The following LRP1B variants were observed in gnomAD, a reference collection of about 807,000 sequenced individuals.
The protein encoded by LRP1B is LDL receptor related protein 1B, also known as low-density lipoprotein receptor-related protein 1B.
LRP1B carries 217 observed loss-of-function variants against 556.6 expected under a neutral mutation model. That is an observed-to-expected ratio of 0.39 (90% CI 0.35 to 0.44). LRP1B has a LOEUF of 0.44. LRP1B is among the 20% of genes least tolerant of loss of function. The probability of loss-of-function intolerance (pLI) is 1.00; values close to 1 mark genes in which losing one functional copy is unlikely to be tolerated. For synonymous variants in LRP1B, 2,047 were observed against 1,865.8 expected, an observed-to-expected ratio of 1.10 and a Z score of -2.50; for missense variants, 5,053 against 5,620.8, an observed-to-expected ratio of 0.90 and a Z score of 3.23.
intron 2 of LRP1B, among the ~76,000 whole-genome samples, chr2:141,686,361 A>T (rs1328709910): frequency 6.6e-6 from 1 of 152,024 alleles, no homozygotes; most frequent in Non-Finnish European, 1.5e-5. Context: ...GTCTAATGTT[A>T]ATAATTATGA....
At chr2:140,999,435 A>G (rs895030088) in intron 15 of LRP1B, among the ~76,000 whole-genome samples, 3 of 152,066 alleles carry the variant, frequency 2.0e-5, no homozygotes, top group Non-Finnish European at 2.9e-5. Flanking sequence ...TCAGAAAAAA[A>G]TTTCTCTACT....
intron 3 of LRP1B, among the ~76,000 whole-genome samples, chr2:141,384,517 G>T (rs1298018017): frequency 6.6e-6 from 1 of 152,090 alleles, no homozygotes; most frequent in African/African-American, 2.4e-5. Flanking sequence ...GTGGGAAAAA[G>T]AATTTCTGGG....
intron 37 of LRP1B, among the ~76,000 whole-genome samples, chr2:140,715,173 G>C (rs1553517942): frequency 6.6e-6 from 1 of 152,052 alleles, no homozygotes; most frequent in Non-Finnish European, 1.5e-5. Context: ...GTCTGATTAA[G>C]AAGGATCATA....
chr2:141,061,012 G>T (rs749814483), intron 8 of LRP1B, among the ~76,000 whole-genome samples: 3 of 151,678 alleles, frequency 2.0e-5, no homozygotes, highest in Non-Finnish European at 4.4e-5. Context: ...TCATAACAAG[G>T]TTTAATTTTT....
chr2:141,001,137 G>A (rs1697409496), intron 15 of LRP1B, among the ~76,000 whole-genome samples: 1 of 152,014 alleles, frequency 6.6e-6, no homozygotes, highest in South Asian at 2.1e-4. Context: ...TTCCTACAAT[G>A]ATAAAGAACA....
intron 1 of LRP1B, among the ~76,000 whole-genome samples, chr2:141,870,537 A>G (rs1040175561): frequency 6.6e-6 from 1 of 152,004 alleles, no homozygotes; most frequent in African/African-American, 2.4e-5. Flanking sequence ...CTTTTGCTCC[A>G]TCTTTAAGTC....
At chr2:140,857,516 A>G (rs1692655442) in intron 27 of LRP1B, among the ~76,000 whole-genome samples, 1 of 152,164 alleles carries the variant, frequency 6.6e-6, no homozygotes. Context: ...TTCACATTGA[A>G]GAACTTGAGT....
intron 3 of LRP1B, among the ~76,000 whole-genome samples, chr2:141,407,236 CA>C (rs1690676578): frequency 6.6e-6 from 1 of 151,986 alleles, no homozygotes; most frequent in Non-Finnish European, 1.5e-5. Context: ...ATTACTTTAC[CA>C]GTTTCATAAT....
chr2:141,671,333 G>A (rs1690660245), intron 2 of LRP1B, among the ~76,000 whole-genome samples: 6 of 152,162 alleles, frequency 3.9e-5, no homozygotes, highest in Admixed American at 3.9e-4. Flanking sequence ...ATGTGCGAAT[G>A]TTTAATTGAG....
intron 48 of LRP1B, 29 bp from the exon 49 acceptor site, chr2:140,526,022 A>G (rs751802433): frequency 1.2e-6 from 2 of 1,608,662 alleles, no homozygotes; most frequent in Non-Finnish European, 1.7e-6. Flanking sequence ...AAAATGAAAA[A>G]GTACCTCATT....
intron 18 of LRP1B, among the ~76,000 whole-genome samples, chr2:140,975,929 T>C (rs1696582683): frequency 6.6e-6 from 1 of 152,120 alleles, no homozygotes; most frequent in Admixed American, 6.6e-5. Flanking sequence ...TATTTACTTA[T>C]GTATTATTTT....
intron 2 of LRP1B, among the ~76,000 whole-genome samples, chr2:141,686,228 GCTCAAAAA>G (rs1277321123): frequency 6.6e-6 from 1 of 151,878 alleles, no homozygotes; most frequent in Non-Finnish European, 1.5e-5. Flanking sequence ...GGTTCATAAA[GCTCAAAAA>G]CTCATTATAA....
At chr2:141,184,412 G>T (rs1681146876) in intron 7 of LRP1B, among the ~76,000 whole-genome samples, 1 of 151,778 alleles carries the variant, frequency 6.6e-6, no homozygotes, top group Non-Finnish European at 1.5e-5. Context: ...TAGATCATAA[G>T]AACCTCATGT....
At chr2:140,950,108 A>G (rs1335255237) in intron 20 of LRP1B, 127 bp downstream of exon 20, 2 of 605,252 alleles carry the variant, frequency 3.3e-6, no homozygotes, top group Non-Finnish European at 5.3e-6. Context: ...GATTTTACAC[A>G]GTTCCACATG....
chr2:141,805,301 A>C (rs1220003905), intron 2 of LRP1B: 1 of 152,156 alleles, frequency 6.6e-6, no homozygotes, highest in East Asian at 1.9e-4. Flanking sequence ...GCCTGTTGTC[A>C]TTCTGAATCT....
At chr2:141,011,542 G>A (rs1558799204) in intron 14 of LRP1B, among the ~76,000 whole-genome samples, 1 of 151,878 alleles carries the variant, frequency 6.6e-6, no homozygotes, top group East Asian at 1.9e-4. Flanking sequence ...TTAAGTACTA[G>A]GTAATTCTTA....
chr2:140,878,424 G>A (rs921047660), intron 25 of LRP1B, among the ~76,000 whole-genome samples: 1 of 152,026 alleles, frequency 6.6e-6, no homozygotes, highest in African/African-American at 2.4e-5. Flanking sequence ...AATACAATAT[G>A]TTGCCAGTTA....
intron 3 of LRP1B, among the ~76,000 whole-genome samples, chr2:141,336,735 C>G (rs1188391820): frequency 6.6e-6 from 1 of 151,778 alleles, no homozygotes; most frequent in African/African-American, 2.4e-5. Context: ...ATCCTAATCA[C>G]TATCAACCCC....
intron 35 of LRP1B, among the ~76,000 whole-genome samples, chr2:140,729,141 C>T (rs1687692344): frequency 6.6e-6 from 1 of 151,940 alleles, no homozygotes. Context: ...AGAGAAGAAT[C>T]TAATTTTAAT....
Sources: allele counts gnomAD v4.1 joint callset (sites outside exome capture counted in the v4.1 genomes callset), GRCh38; gene constraint gnomAD v4.1.1; transcripts MANE v1.5; gene names NCBI Gene and HGNC (gene_info 2026-07-23, HGNC 2026-07-21).